Variants in FRMPD4 observed in about 807,000 individuals in gnomAD.
FRMPD4 encodes FERM and PDZ domain-containing protein 4.
A neutral mutation model predicts 94.1 loss-of-function variants in FRMPD4; 22 were observed. The ratio of observed to expected loss-of-function variants is 0.23; its 90% CI spans 0.17 to 0.33. The LOEUF (loss-of-function observed/expected upper bound fraction) is 0.33. Ranked by LOEUF, FRMPD4 falls within the 10% of genes least tolerant of loss-of-function variation. The pLI is 1.00. For missense variants in FRMPD4, 1,111 were observed against 1,339.9 expected (o/e 0.83, Z 2.67); for synonymous variants, 631 against 548.6 (o/e 1.15, Z -2.10).
chrX:12,466,955 C>T (rs780359675), intron 1 of FRMPD4, among the ~76,000 whole-genome samples: 1 of 111,917 alleles, frequency 8.9e-6, no homozygotes, highest in South Asian at 3.8e-4. Flanking sequence ...TTCTAGTTAG[C>T]TCCACCTTCT....
At chrX:12,560,166 ATAAT>A (rs925861388) in intron 2 of FRMPD4, among the ~76,000 whole-genome samples, 6 of 111,736 alleles carry the variant, frequency 5.4e-5, no homozygotes, top group African/African-American at 1.6e-4. Context: ...TTGTGATTCC[ATAAT>A]TAATATTTTT....
At chrX:12,246,474 A>G (rs1210354904) in intron 1 of FRMPD4, among the ~76,000 whole-genome samples, 1 of 111,794 alleles carries the variant, frequency 8.9e-6, no homozygotes, top group Non-Finnish European at 1.9e-5. Context: ...GCCTGCTATG[A>G]AACCACTGTG....
At chrX:12,126,017 C>G (rs1424750139) in intron 3 of FRMPD4, among the ~76,000 whole-genome samples, 1 of 112,279 alleles carries the variant, frequency 8.9e-6, no homozygotes, top group Non-Finnish European at 1.9e-5. Flanking sequence ...AAGGGTGTCC[C>G]CAAGACCAAG....
intron 1 of FRMPD4, among the ~76,000 whole-genome samples, chrX:12,455,586 G>A (rs1304714804): frequency 8.9e-6 from 1 of 111,943 alleles, no homozygotes; most frequent in Non-Finnish European, 1.9e-5. Context: ...AGGAGCAATT[G>A]TTGAGAGTCC....
intron 1 of FRMPD4, among the ~76,000 whole-genome samples, chrX:12,493,351 G>T (rs1198286370): frequency 1.8e-5 from 2 of 111,454 alleles, no homozygotes; most frequent in Admixed American, 1.9e-4. Flanking sequence ...AATAATCTTT[G>T]TGAGTCCACA....
chrX:12,060,407 CT>C (rs34618179), intron 3 of FRMPD4, among the ~76,000 whole-genome samples: 3,391 of 93,162 alleles, frequency 0.036, 116 homozygotes, highest in East Asian at 0.18. Flanking sequence ...GTTTATGTGT[CT>C]TTTTTTTTTT....
intron 1 of FRMPD4, among the ~76,000 whole-genome samples, chrX:11,828,321 A>G (rs980323370): frequency 8.9e-6 from 1 of 112,177 alleles, no homozygotes; most frequent in Non-Finnish European, 1.9e-5. Flanking sequence ...CACTGATCCA[A>G]CTTCAGCAAC....
At chrX:12,571,724 T>A (rs1377629999) in intron 2 of FRMPD4, among the ~76,000 whole-genome samples, 1 of 112,227 alleles carries the variant, frequency 8.9e-6, no homozygotes, top group Non-Finnish European at 1.9e-5. Context: ...TTAAAAGATA[T>A]GATAAATATT....
chrX:12,615,110 A>G (rs2148425771), intron 4 of FRMPD4, among the ~76,000 whole-genome samples: 1 of 112,584 alleles, frequency 8.9e-6, no homozygotes, highest in African/African-American at 3.2e-5. Context: ...TTGAAGGTAC[A>G]TATGCCTCAG....
At position 12,621,968 on chromosome X, in the gene FRMPD4, G is replaced by GAGAAAGAAAGAAAGAAAGAA. The variant is rs1171799513; in HGVS notation, c.422+7118_422+7137dup. 1.1e-3 allele frequency among the ~76,000 whole-genome samples: 47 copies of GAGAAAGAAAGAAAGAAAGAA among 41,072 alleles called. 1 individual carries two copies. The highest frequency in any genetic ancestry group is 2.6e-3 in the African/African-American group (24 of 9,383). 35.7% of individuals were successfully genotyped at this position (41,072 alleles called of 115,157 possible). A position where few individuals can be genotyped will look rare whatever the true frequency, so the allele number is the denominator to read the frequency against. On this transcript the variant is annotated intron_variant, in intron 4 of 16. Transcript: ENST00000675598. ...AGAGAGAGAGAGAGAAAGAAAGAAA[G>GAGAAAGAAAGAAAGAAAGAA]AGAAAGAAAGAAAGAAAGAAAGAAA...
chrX:11,915,738 T>A (rs1490938002), intron 3 of FRMPD4, among the ~76,000 whole-genome samples: 9 of 111,922 alleles, frequency 8.0e-5, no homozygotes, highest in African/African-American at 2.9e-4. Context: ...GTAGAGATAG[T>A]GAACTCACCT....
chrX:12,056,129 TATC>T (rs1357565462), intron 3 of FRMPD4, among the ~76,000 whole-genome samples: 1 of 112,107 alleles, frequency 8.9e-6, no homozygotes, highest in Non-Finnish European at 1.9e-5. Context: ...AAAAATAAAA[TATC>T]ATTGTCAGGG....
chrX:12,519,925 G>A (rs779835740), intron 2 of FRMPD4, among the ~76,000 whole-genome samples: 1 of 112,029 alleles, frequency 8.9e-6, no homozygotes, highest in Non-Finnish European at 1.9e-5. Flanking sequence ...TGGAGAAATT[G>A]GAACCCTTAT....
chrX:12,186,403 T>G (rs1048769295), intron 1 of FRMPD4, among the ~76,000 whole-genome samples: 1 of 111,963 alleles, frequency 8.9e-6, no homozygotes, highest in African/African-American at 3.2e-5. Context: ...TTTAATTGCT[T>G]TTTAAGCATA....
chrX:12,616,775 T>C, intron 4 of FRMPD4, among the ~76,000 whole-genome samples: 1 of 112,506 alleles, frequency 8.9e-6, no homozygotes, highest in Non-Finnish European at 1.9e-5. Flanking sequence ...CTCTGAGCCT[T>C]CTATCGGCTT....
At chrX:12,637,688 A>G (rs1352892846) in intron 4 of FRMPD4, among the ~76,000 whole-genome samples, 3 of 111,213 alleles carry the variant, frequency 2.7e-5, no homozygotes, top group African/African-American at 9.8e-5. Flanking sequence ...TCTTAAAAAA[A>G]AAAATCATTT....
chrX:12,518,736 C>T (rs2058129188), intron 2 of FRMPD4, among the ~76,000 whole-genome samples: 1 of 111,096 alleles, frequency 9.0e-6, no homozygotes, highest in Non-Finnish European at 1.9e-5. Flanking sequence ...AATAAAACAT[C>T]CAAATTGGAA....
chrX:12,067,537 C>T (rs750059970), intron 3 of FRMPD4, among the ~76,000 whole-genome samples: 77 of 110,365 alleles, frequency 7.0e-4, no homozygotes, highest in African/African-American at 2.5e-3. Context: ...CCTGCCTCAG[C>T]CTCCCGAGTA....
At chrX:12,167,185 C>T (rs1293581115) in intron 1 of FRMPD4, among the ~76,000 whole-genome samples, 1 of 111,822 alleles carries the variant, frequency 8.9e-6, no homozygotes, top group East Asian at 2.8e-4. Flanking sequence ...CTCTCGTGGG[C>T]ATTTAGTGCT....
Sources: allele counts gnomAD v4.1 joint callset (sites outside exome capture counted in the v4.1 genomes callset), GRCh38; gene constraint gnomAD v4.1.1; transcripts MANE v1.5; gene names NCBI Gene and HGNC (gene_info 2026-07-23, HGNC 2026-07-21).